The following UGT1A8 variants were observed in gnomAD, a reference collection of about 807,000 sequenced individuals.
UGT1A8 encodes UDP glucuronosyltransferase family 1 member A8.
In UGT1A8, 39 loss-of-function variants were observed where a neutral mutation model predicts 45.3. That is an observed-to-expected ratio of 0.86 (90% CI 0.67 to 1.12). The LOEUF (loss-of-function observed/expected upper bound fraction) is 1.12. Among genes scored for constraint, UGT1A8 ranks in the 50% most tolerant of loss-of-function variants. The pLI, the probability that UGT1A8 is intolerant of heterozygous loss-of-function variation, is 0.00. For missense variants in UGT1A8, 719 were observed against 664.9 expected (o/e 1.08, Z -0.90); for synonymous variants, 275 against 249.2 (o/e 1.10, Z -0.97).
At chr2:233,719,208 G>A (rs2076737405) in intron 1 of UGT1A8, 1 of 1,614,098 alleles carries the variant, frequency 6.2e-7, no homozygotes, top group African/African-American at 1.3e-5. Context: ...GTGTTGTGTG[G>A]AGCTACTGCA....
chr2:233,724,238 G>A (rs2077193848), intron 1 of UGT1A8, among the ~76,000 whole-genome samples: 1 of 129,762 alleles, frequency 7.7e-6, no homozygotes, highest in African/African-American at 3.0e-5. Context: ...GGGGCGGCCG[G>A]GCAGAGGCGC....
chr2:233,727,152 CTT>C (rs2077588377), intron 1 of UGT1A8, among the ~76,000 whole-genome samples: 1 of 152,188 alleles, frequency 6.6e-6, no homozygotes, highest in South Asian at 2.1e-4. Context: ...ACAGGTCAGT[CTT>C]TCAGGATGCT....
chr2:233,626,844 A>AGG (rs1333144321), intron 1 of UGT1A8, among the ~76,000 whole-genome samples: 2 of 152,116 alleles, frequency 1.3e-5, no homozygotes, highest in Non-Finnish European at 2.9e-5. Flanking sequence ...CTGGGTGGCT[A>AGG]GCATTGTCCA....
chr2:233,661,734 A>G (rs946205882), intron 1 of UGT1A8, among the ~76,000 whole-genome samples: 1 of 140,152 alleles, frequency 7.1e-6, no homozygotes, highest in African/African-American at 2.7e-5. Context: ...ATGATCGCCA[A>G]CCACAGCTGC....
At chr2:233,676,023 A>G (rs1241148183) in intron 1 of UGT1A8, among the ~76,000 whole-genome samples, 1 of 152,210 alleles carries the variant, frequency 6.6e-6, no homozygotes, top group Non-Finnish European at 1.5e-5. Flanking sequence ...AAATAAACCC[A>G]TACATATACA....
At chr2:233,695,130 CTTTT>C (rs71398796) in intron 1 of UGT1A8, among the ~76,000 whole-genome samples, 1 of 138,840 alleles carries the variant, frequency 7.2e-6, no homozygotes, top group Non-Finnish European at 1.5e-5. Flanking sequence ...CTTTTCTTTT[CTTTT>C]TTTTTTTTTT....
rs550573221 is a variant in UGT1A8 at position 233,701,154 on chromosome 2, A to G, written c.856-65880A>G. On this transcript the variant is annotated intron_variant, in intron 1 of 4. Transcript: ENST00000373450. ...TTTAGGTTGGTTCCAAGTCTTTGCT[A>G]TTGTGAATAGTGCCGTTATAAACAT... is the stretch of plus-strand genomic sequence containing the variant. Among the ~76,000 whole-genome samples the G allele has an allele frequency of 9.9e-5, 15 of 152,250 alleles. 1 individual carries two copies. The East Asian group carries it at 2.7e-3, about 27-fold the overall frequency.
At chr2:233,677,560 C>A (rs139096739) in intron 1 of UGT1A8, among the ~76,000 whole-genome samples, 1 of 151,944 alleles carries the variant, frequency 6.6e-6, no homozygotes, top group Non-Finnish European at 1.5e-5. Flanking sequence ...TATTAAAAAA[C>A]GTAACATATG....
chr2:233,767,898 C>A lies in UGT1A8; in HGVS notation c.1037C>A (p.Thr346Lys), dbSNP rs776227074. ...CGACCATCGAATCTTGCGAACAACA[C>A]GATACTTGTTAAGTGGCTACCCCAA... Reference protein sequence around the residue: ...GTRPSNLANNTILVKWLPQND... With the variant: ...GTRPSNLANNKILVKWLPQND... The change falls in exon 3 of 5, where the codon ACG becomes AAG. Residue 346 changes from threonine to lysine, a missense_variant. Thr to Lys is a moderately conservative substitution (Grantham distance 78, BLOSUM62 -1). Coordinates refer to ENST00000373450, the MANE Select transcript of UGT1A8 (RefSeq NM_019076.5). The A allele has an allele frequency of 1.2e-6, 2 of 1,614,152 alleles. No individual in the cohort carries two copies. Among genetic ancestry groups the A allele is most frequent in the Non-Finnish European group, 1.7e-6 (2 of 1,180,048 alleles).
chr2:233,704,856 G>A (rs375142414), intron 1 of UGT1A8, among the ~76,000 whole-genome samples: 6 of 151,976 alleles, frequency 3.9e-5, no homozygotes, highest in East Asian at 1.9e-4. Context: ...GAATAGGGCC[G>A]GGCACGGTGG....
At chr2:233,621,105 T>C (rs1056360717) in intron 1 of UGT1A8, among the ~76,000 whole-genome samples, 32 of 152,280 alleles carry the variant, frequency 2.1e-4, no homozygotes, top group African/African-American at 7.7e-4. Context: ...TTAAATACTT[T>C]AACAAAGATG....
intron 1 of UGT1A8, chr2:233,713,803 C>G: frequency 6.2e-7 from 1 of 1,614,054 alleles, no homozygotes; most frequent in East Asian, 2.2e-5. Context: ...CCGATCATGC[C>G]CAACATGGTC....
intron 1 of UGT1A8, among the ~76,000 whole-genome samples, chr2:233,630,944 T>G (rs1456322440): frequency 6.6e-6 from 1 of 151,878 alleles, no homozygotes; most frequent in Non-Finnish European, 1.5e-5. Context: ...CATCATTCCT[T>G]CATCTACATT....
rs566254737 is a variant in UGT1A8, at chr2:233,705,102, C to T, written c.856-61932C>T. 1.4e-4 allele frequency among the ~76,000 whole-genome samples: 21 copies of T among 150,040 alleles called. No homozygotes were observed. In the East Asian group the frequency reaches 3.3e-3, roughly 24 times the overall value. On this transcript the variant is annotated intron_variant, in intron 1 of 4. Transcript: ENST00000373450. ...AGAGAGCCAAGATCGTGCCATTGCA[C>T]GCCAGCCTGGGGGACAAGAGCGAGA...
intron 1 of UGT1A8, among the ~76,000 whole-genome samples, chr2:233,726,597 T>C (rs1191602652): frequency 6.6e-6 from 1 of 152,194 alleles, no homozygotes; most frequent in Non-Finnish European, 1.5e-5. Flanking sequence ...AGAGCCCTTG[T>C]GATTACACTG....
In UGT1A8 at chr2:233,711,078, C is replaced by T. The variant is rs76665810; in HGVS notation, c.856-55956C>T. Among the ~76,000 whole-genome samples the T allele has an allele frequency of 9.6e-3, 1,463 of 152,316 alleles. 33 individuals are homozygous for T. Among genetic ancestry groups the T allele is most frequent in the African/African-American group, 0.033 (1,369 of 41,568 alleles). ...CTTCAATCACCACTTATGCTGATGG[C>T]TCCAAGTCTATCTGTGCAGCCCAGA... On this transcript the variant is annotated intron_variant, in intron 1 of 4. Transcript: ENST00000373450.
intron 1 of UGT1A8, among the ~76,000 whole-genome samples, chr2:233,620,166 C>T (rs7608888): frequency 0.026 from 3,985 of 152,264 alleles, 78 homozygotes; most frequent in Non-Finnish European, 0.043. Context: ...AGCCATCTCA[C>T]AGGAAAGTGA....
chr2:233,704,256 C>CTTTTTTTTTTT (rs59925871), intron 1 of UGT1A8, among the ~76,000 whole-genome samples: 4 of 123,654 alleles, frequency 3.2e-5, no homozygotes, highest in Non-Finnish European at 6.5e-5. Flanking sequence ...GCCTTTATTG[C>CTTTTTTTTTTT]TTTTTTTTTT....
intron 1 of UGT1A8, chr2:233,649,132 T>G: frequency 1.5e-6 from 1 of 680,786 alleles, no homozygotes. Flanking sequence ...GCATCTAAAA[T>G]TTCTTTTCTG....
Sources: allele counts gnomAD v4.1 joint callset (sites outside exome capture counted in the v4.1 genomes callset), GRCh38; gene constraint gnomAD v4.1.1; transcripts MANE v1.5; gene names NCBI Gene and HGNC (gene_info 2026-07-23, HGNC 2026-07-21).